Variants in DPP10 observed in about 807,000 individuals in gnomAD.
DPP10 encodes inactive dipeptidyl peptidase 10.
DPP10 carries 33 observed loss-of-function variants against 120.9 expected under a neutral mutation model. The observed-to-expected ratio is 0.27, with a 90% CI of 0.21 to 0.37. DPP10 has a LOEUF of 0.37. Among genes scored for constraint, DPP10 ranks in the 10% least tolerant of loss-of-function variants. The pLI, the probability that DPP10 is intolerant of heterozygous loss-of-function variation, is 1.00. For synonymous variants in DPP10, 337 were observed against 326.1 expected (o/e 1.03, Z -0.36); for missense variants, 816 against 942.8 (o/e 0.87, Z 1.76).
chr2:114,741,934 T>A (rs1472604881), intron 1 of DPP10, among the ~76,000 whole-genome samples: 1 of 152,228 alleles, frequency 6.6e-6, no homozygotes, highest in Non-Finnish European at 1.5e-5. Context: ...AATATGTTAC[T>A]TTAAGCCACC....
At chr2:115,320,745 C>T (rs867475845) in intron 2 of DPP10, among the ~76,000 whole-genome samples, 4 of 152,006 alleles carry the variant, frequency 2.6e-5, no homozygotes, top group Non-Finnish European at 5.9e-5. Flanking sequence ...AGATGAGTCA[C>T]AAGCCAAATA....
chr2:115,133,143 GTGTATATATATATA>G (rs1466851722), intron 1 of DPP10, among the ~76,000 whole-genome samples: 16 of 32,002 alleles, frequency 5.0e-4, no homozygotes, highest in African/African-American at 1.8e-3. Context: ...GTGTGTGTGT[GTGTATATATATATA>G]TATATATATA....
At chr2:115,097,536 C>T (rs1228031730) in intron 1 of DPP10, among the ~76,000 whole-genome samples, 1 of 152,152 alleles carries the variant, frequency 6.6e-6, no homozygotes, top group Admixed American at 6.5e-5. Flanking sequence ...GACCTGGAAT[C>T]CCTACATTCT....
intron 8 of DPP10, among the ~76,000 whole-genome samples, chr2:115,734,556 T>C (rs1302428190): frequency 6.7e-6 from 1 of 149,360 alleles, no homozygotes; most frequent in Non-Finnish European, 1.5e-5. Flanking sequence ...CTTGAGAGGC[T>C]GAGGCAGGAA....
At chr2:114,807,700 A>T (rs1265514610) in intron 1 of DPP10, among the ~76,000 whole-genome samples, 1 of 152,188 alleles carries the variant, frequency 6.6e-6, no homozygotes, top group Non-Finnish European at 1.5e-5. Context: ...TTGTTGATAT[A>T]GTTGTTCCAG....
intron 1 of DPP10, among the ~76,000 whole-genome samples, chr2:115,048,600 G>T (rs987936744): frequency 6.6e-6 from 1 of 152,038 alleles, no homozygotes; most frequent in African/African-American, 2.4e-5. Context: ...ATGATCTGGG[G>T]TCTGTCCACT....
At chr2:115,120,303 G>A in intron 1 of DPP10, among the ~76,000 whole-genome samples, 1 of 152,194 alleles carries the variant, frequency 6.6e-6, no homozygotes, top group East Asian at 1.9e-4. Context: ...GGGAAGGATG[G>A]AATGCCTCTG....
At chr2:115,510,060 T>C (rs918529126) in intron 4 of DPP10, among the ~76,000 whole-genome samples, 24 of 152,184 alleles carry the variant, frequency 1.6e-4, no homozygotes, top group Non-Finnish European at 3.1e-4. Context: ...CTCTTTTCAA[T>C]TGCTGAATTG....
At chr2:115,790,929 G>C in intron 17 of DPP10, 152 bp from the exon 18 acceptor site, 1 of 508,120 alleles carries the variant, frequency 2.0e-6, no homozygotes, top group South Asian at 3.9e-5. Context: ...AGCTTACTTA[G>C]AAAACTGTTG....
chr2:114,590,604 A>G (rs1038991537), intron 1 of DPP10, among the ~76,000 whole-genome samples: 3 of 152,234 alleles, frequency 2.0e-5, no homozygotes, highest in African/African-American at 4.8e-5. Flanking sequence ...GTCAGTTTCA[A>G]TGGTATAAAT....
chr2:115,163,101 C>T (rs907498289), intron 1 of DPP10, among the ~76,000 whole-genome samples: 1 of 152,140 alleles, frequency 6.6e-6, no homozygotes, highest in African/African-American at 2.4e-5. Flanking sequence ...GCGAAGGCTG[C>T]TGGAGGCGGA....
At chr2:115,105,923 A>T (rs967979874) in intron 1 of DPP10, among the ~76,000 whole-genome samples, 2 of 152,222 alleles carry the variant, frequency 1.3e-5, no homozygotes, top group African/African-American at 4.8e-5. Flanking sequence ...TTCTTAAAAG[A>T]AATGTTACAT....
chr2:115,843,818 A>G lies in DPP10; in HGVS notation c.*1473A>G, dbSNP rs1423602576. ...GTCTGTAATAAGCTTAGAAGTTCAG[A>G]TAAATCTAGGCAGGATACTGCATTT... On this transcript the variant is annotated 3_prime_UTR_variant, in exon 26 of 26. Coordinates refer to ENST00000410059, the MANE Select transcript of DPP10 (RefSeq NM_020868.6). 2.0e-5 allele frequency: 3 copies of G among 152,614 alleles called. No individual in the cohort carries two copies. The highest frequency in any genetic ancestry group is 6.5e-5 in the Admixed American group (1 of 15,282). The allele number at this position is 152,614 out of a possible 1,614,324, so 9.5% of individuals were successfully genotyped here.
At chr2:114,535,426 C>T (rs577354905) in intron 1 of DPP10, among the ~76,000 whole-genome samples, 1 of 152,156 alleles carries the variant, frequency 6.6e-6, no homozygotes, top group Non-Finnish European at 1.5e-5. Context: ...TCGTAATTTC[C>T]TTTTTTCCCT....
At chr2:115,301,863 A>C (rs756882642) in intron 1 of DPP10, among the ~76,000 whole-genome samples, 1 of 152,058 alleles carries the variant, frequency 6.6e-6, no homozygotes, top group Non-Finnish European at 1.5e-5. Context: ...AACACCACAC[A>C]ATATATTAAG....
At chr2:114,794,355 A>G (rs7582954) in intron 1 of DPP10, among the ~76,000 whole-genome samples, 81,362 of 151,984 alleles carry the variant, frequency 0.54, 22,284 homozygotes, top group East Asian at 0.77. Flanking sequence ...TGGAGCCAAA[A>G]TTCATAGGCA....
chr2:114,748,345 TTTTTTA>T (rs1269598742), intron 1 of DPP10, among the ~76,000 whole-genome samples: 11 of 130,736 alleles, frequency 8.4e-5, no homozygotes, highest in African/African-American at 2.2e-4. Flanking sequence ...TTTCTTTTTT[TTTTTTA>T]TTTTTTTTTA....
chr2:115,813,494 A>C (rs953188055), intron 19 of DPP10, among the ~76,000 whole-genome samples: 1 of 152,140 alleles, frequency 6.6e-6, no homozygotes, highest in Non-Finnish European at 1.5e-5. Flanking sequence ...TTTCATTTTA[A>C]CTTAGTTACC....
chr2:115,027,237 A>G (rs1361186020), intron 1 of DPP10, among the ~76,000 whole-genome samples: 2 of 152,104 alleles, frequency 1.3e-5, no homozygotes, highest in Admixed American at 6.6e-5. Context: ...ACTATTTTGC[A>G]GAGTCTTTAT....
Sources: gnomAD v4.1 joint callset for allele counts (sites outside exome capture counted in the v4.1 genomes callset) on GRCh38, gnomAD v4.1.1 for gene constraint, MANE v1.5 for transcripts, NCBI Gene and HGNC (gene_info 2026-07-23, HGNC 2026-07-21) for gene names.